The following BUB1B variants were observed in gnomAD, a reference collection of about 807,000 sequenced individuals.
BUB1B encodes the protein mitotic checkpoint serine/threonine-protein kinase BUB1 beta.
Under a neutral mutation model 137.7 loss-of-function variants are expected in BUB1B, and 86 were observed. The observed-to-expected ratio is 0.62, with a 90% CI of 0.52 to 0.75. BUB1B has a LOEUF of 0.75. BUB1B is among the 30% of genes least tolerant of loss of function. The pLI is 0.00. For synonymous variants in BUB1B, 420 were observed against 417.9 expected, an observed-to-expected ratio of 1.00 and a Z score of -0.06; for missense variants, 1,130 against 1,236.9, an observed-to-expected ratio of 0.91 and a Z score of 1.30.
intron 4 of BUB1B, among the ~76,000 whole-genome samples, chr15:40,175,079 C>A (rs1265391508): frequency 6.6e-6 from 1 of 152,162 alleles, no homozygotes; most frequent in Admixed American, 6.5e-5. Context: ...TAAATTTTAG[C>A]ATTAACAATT....
chr15:40,208,832 G>C, intron 16 of BUB1B, 62 bp downstream of exon 16: 1 of 1,536,700 alleles, frequency 6.5e-7, no homozygotes, highest in South Asian at 1.1e-5. Context: ...AGCAAACTGA[G>C]CTGTATGTTT....
chr15:40,161,095 G>A lies in BUB1B; in HGVS notation c.-126G>A, dbSNP rs529720660. The A allele has an allele frequency of 1.3e-5, 17 of 1,294,014 alleles. No homozygotes were observed. Among genetic ancestry groups the A allele is most frequent in the Admixed American group, 2.3e-5 (1 of 44,360 alleles). The allele number at this position is 1,294,014 out of a possible 1,614,324, so 80.2% of individuals were successfully genotyped here. Reference sequence around the variant, plus strand: ...TGGGCTTGAGGTGGCCGGTTTGTTAGGGAGTCGTGTACGTGCCTTGGTCGC... The same window carrying A: ...TGGGCTTGAGGTGGCCGGTTTGTTAAGGAGTCGTGTACGTGCCTTGGTCGC... On this transcript the variant is annotated 5_prime_UTR_variant, in exon 1 of 23. Transcript: ENST00000287598.
Position 40,206,324 on chromosome 15 carries a change from A to G in BUB1B, c.1875A>G (p.Ile625Met), listed in dbSNP as rs541881263. ...ARFVSTPFHEIMSLKDLPSDP... is the reference protein window; with the variant it reads ...ARFVSTPFHEMMSLKDLPSDP... ...TTGTATCCACTCCTTTTCATGAGAT[A>G]ATGTCCTTGAAGGATCTCCCTTCTG... The change falls in exon 15 of 23, where the codon ATA becomes ATG. Residue 625 changes from isoleucine to methionine, a missense_variant. Ile to Met is a conservative substitution (Grantham distance 10). Coordinates refer to ENST00000287598, the MANE Select transcript of BUB1B (RefSeq NM_001211.6). The G allele has an allele frequency of 3.5e-5, 57 of 1,614,190 alleles. No homozygotes were observed. The East Asian group carries it at 1.1e-3, about 30-fold the overall frequency.
chr15:40,195,578 T>A (rs1463404006), intron 8 of BUB1B, among the ~76,000 whole-genome samples: 2 of 152,224 alleles, frequency 1.3e-5, no homozygotes. Flanking sequence ...ATAGTGGTTG[T>A]ACGAGTTTAC....
intron 14 of BUB1B, 55 bp from the exon 15 acceptor site, chr15:40,206,129 A>G: frequency 6.3e-7 from 1 of 1,585,296 alleles, no homozygotes; most frequent in Non-Finnish European, 8.7e-7. Context: ...CTCAGTAAAA[A>G]AGTTCTTCAT....
At chr15:40,168,478 G>A (rs1179648351) in intron 2 of BUB1B, among the ~76,000 whole-genome samples, 1 of 152,110 alleles carries the variant, frequency 6.6e-6, no homozygotes, top group African/African-American at 2.4e-5. Context: ...TATCAGTAGT[G>A]CCTTAGATTT....
At chr15:40,206,546 G>A in intron 15 of BUB1B, 88 bp downstream of exon 15, 3 of 1,544,620 alleles carry the variant, frequency 1.9e-6, no homozygotes, top group Non-Finnish European at 2.7e-6. Flanking sequence ...CAGTTATCAA[G>A]TTCTTACTAA....
intron 5 of BUB1B, 58 bp downstream of exon 5, chr15:40,176,731 T>A: frequency 6.4e-7 from 1 of 1,559,424 alleles, no homozygotes; most frequent in Non-Finnish European, 8.8e-7. Context: ...AATTATCTCT[T>A]TTTTGCATCT....
At chr15:40,215,285 C>T (rs1488851755) in intron 20 of BUB1B, among the ~76,000 whole-genome samples, 1 of 151,362 alleles carries the variant, frequency 6.6e-6, no homozygotes, top group Non-Finnish European at 1.5e-5. Flanking sequence ...ACCAGCCTGA[C>T]CAACATGGAG....
chr15:40,217,651 GTTC>G lies in BUB1B; in HGVS notation c.2839_2841del (p.Ser947del). 11 of 1,614,140 alleles carry G rather than the reference GTTC, an allele frequency of 6.8e-6. No homozygotes were observed. Among genetic ancestry groups the G allele is most frequent in the Middle Eastern group, 1.6e-4 (1 of 6,062 alleles). On this transcript the variant is annotated inframe_deletion, in exon 21 of 23. Coordinates refer to ENST00000287598, the MANE Select transcript of BUB1B (RefSeq NM_001211.6). ...GAAGGACAAAAGATCCTGGCTAACT[GTTC>G]TTCTCCCTACCAGGTAAGTGTAAAA...
chr15:40,208,504 C>T, intron 15 of BUB1B, 133 bp from the exon 16 acceptor site: 2 of 859,730 alleles, frequency 2.3e-6, no homozygotes, highest in South Asian at 3.2e-5. Context: ...TGCAGTTGTG[C>T]TCCAGCCTGG....
rs1437066742 is a variant in BUB1B, at chr15:40,177,577, G to A, written c.581+904G>A. ...TTTCTATTATTCTATTTTTTCTACC[G>A]ATGTACGTGTCTATCCATTAGTGTT... On this transcript the variant is annotated intron_variant, in intron 5 of 22. Transcript: ENST00000287598. Among the ~76,000 whole-genome samples, 5 of 151,740 alleles carry A rather than the reference G, an allele frequency of 3.3e-5. No homozygotes were observed. In the South Asian group the frequency reaches 6.2e-4, roughly 19 times the overall value.
At chr15:40,201,082 G>A in intron 12 of BUB1B, 102 bp downstream of exon 12, 1 of 1,077,288 alleles carries the variant, frequency 9.3e-7, no homozygotes, top group Non-Finnish European at 1.4e-6. Flanking sequence ...TTGAAAGACA[G>A]GGGGACTAGG....
chr15:40,176,685 T>C lies in BUB1B; in HGVS notation c.581+12T>C, dbSNP rs1672130753. 1.2e-6 allele frequency: 2 copies of C among 1,612,546 alleles called. No homozygotes were observed. The highest frequency in any genetic ancestry group is 2.7e-5 in the African/African-American group (2 of 74,894). On this transcript the variant is annotated intron_variant, in intron 5 of 22. Transcript: ENST00000287598. ...CAGTCCCAGCACCGGTAAACTTTCT[T>C]TGGAGCTTGTCTTAACTCTAAAAAT...
intron 5 of BUB1B, among the ~76,000 whole-genome samples, chr15:40,181,884 C>T (rs1350333455): frequency 1.3e-5 from 2 of 152,186 alleles, no homozygotes; most frequent in Admixed American, 6.5e-5. Context: ...ACCTTCATCT[C>T]ATGGAACATA....
intron 5 of BUB1B, among the ~76,000 whole-genome samples, chr15:40,178,191 A>G (rs1477861062): frequency 6.6e-6 from 1 of 152,032 alleles, no homozygotes; most frequent in African/African-American, 2.4e-5. Context: ...TTTTTCTAAT[A>G]TAAGCATTTA....
Position 40,210,215 on chromosome 15 carries a change from G to C in BUB1B, c.2385+5G>C. On this transcript the variant is annotated splice_donor_5th_base_variant and intron_variant, in intron 18 of 22. Coordinates refer to ENST00000287598, the MANE Select transcript of BUB1B (RefSeq NM_001211.6). ...GCAGAATTAACAGTAATAAAGGTGGGACTGATTCTTTATAATTTCAGTTAC... is the reference window on the plus strand; with the variant it reads ...GCAGAATTAACAGTAATAAAGGTGGCACTGATTCTTTATAATTTCAGTTAC... 1 of 1,575,902 alleles carries C rather than the reference G, an allele frequency of 6.3e-7. No individual in the cohort carries two copies.
At chr15:40,201,974 A>T (rs1033535561) in intron 12 of BUB1B, among the ~76,000 whole-genome samples, 1 of 151,962 alleles carries the variant, frequency 6.6e-6, no homozygotes, top group Non-Finnish European at 1.5e-5. Context: ...CGGCCAAAAC[A>T]TTTTTTTAAT....
Position 40,208,723 on chromosome 15 carries a change from A to G in BUB1B, c.2096A>G (p.Lys699Arg). Residue 699 changes from lysine (K) to arginine (R), a missense_variant, in exon 16 of 23, where the codon AAA (lysine) becomes AGA (arginine). Physicochemically the swap from Lys to Arg is conservative, Grantham distance 26. Coordinates refer to ENST00000287598, the MANE Select transcript of BUB1B (RefSeq NM_001211.6). ...TCGGTTGCAAGCACCTCCTCCATCA[A>G]ATGTCTTCAAATTCCTGAGAAACTA... ...SASVASTSSI[K>R]CLQIPEKLEL... The G allele has an allele frequency of 1.2e-6, 2 of 1,613,668 alleles. No individual in the cohort carries two copies. Among genetic ancestry groups the G allele is most frequent in the Non-Finnish European group, 1.7e-6 (2 of 1,179,560 alleles).
Sources: gnomAD v4.1 joint callset for allele counts (sites outside exome capture counted in the v4.1 genomes callset) on GRCh38, gnomAD v4.1.1 for gene constraint, MANE v1.5 for transcripts, NCBI Gene and HGNC (gene_info 2026-07-23, HGNC 2026-07-21) for gene names.